TTYH2: variants seen among roughly 807,000 people sequenced by gnomAD.
The protein encoded by TTYH2 is protein tweety homolog 2.
Under a neutral mutation model 68.3 loss-of-function variants are expected in TTYH2, and 49 were observed. The ratio of observed to expected loss-of-function variants is 0.72; its 90% CI spans 0.57 to 0.91. The LOEUF is 0.91. Among genes scored for constraint, TTYH2 ranks in the 40% least tolerant of loss-of-function variants. The pLI is 0.00. For missense variants in TTYH2, 631 were observed against 700.4 expected, an observed-to-expected ratio of 0.90 and a Z score of 1.12; for synonymous variants, 272 against 300.8, an observed-to-expected ratio of 0.90 and a Z score of 0.99.
Position 74,222,696 on chromosome 17 carries a change from C to T in TTYH2, c.302+39C>T. On this transcript the variant is annotated intron_variant, in intron 2 of 13. Coordinates refer to ENST00000269346, the MANE Select transcript of TTYH2 (RefSeq NM_032646.6). The surrounding 1 kb of genome is among the most constrained non-coding windows in gnomAD (Gnocchi z 5.2). The stretch of plus-strand genomic sequence containing the variant: ...GACGCTGGGCTTGGGGTGTGTGACT[C>T]AGTCTGCAAGGGGCCAGGGACTGTT... 1.9e-6 allele frequency: 3 copies of T among 1,576,140 alleles called. No homozygotes were observed. Among genetic ancestry groups the T allele is most frequent in the Non-Finnish European group, 2.6e-6 (3 of 1,162,310 alleles).
rs757090811 is a variant in TTYH2, at chr17:74,222,704, A to C, written c.302+47A>C. The C allele has an allele frequency of 3.2e-6, 5 of 1,565,494 alleles. No individual in the cohort carries two copies. In the Admixed American group the frequency reaches 8.7e-5, roughly 27 times the overall value. On this transcript the variant is annotated intron_variant, in intron 2 of 13. Coordinates refer to ENST00000269346, the MANE Select transcript of TTYH2 (RefSeq NM_032646.6). This position sits in a 1 kb window ranked among gnomAD's most constrained non-coding sequence, Gnocchi z 5.2. ...GCTTGGGGTGTGTGACTCAGTCTGC[A>C]AGGGGCCAGGGACTGTTTGACCATG...
rs573350433 is a variant in TTYH2 at position 74,244,662 on chromosome 17, G to A, written c.804+613G>A. Reference sequence around the variant, plus strand: ...GATCTTTAAAGGACCTAACACTGGCGCTAAGCTGTGTGCATGAGGCTGTTC... The same window carrying A: ...GATCTTTAAAGGACCTAACACTGGCACTAAGCTGTGTGCATGAGGCTGTTC... On this transcript the variant is annotated intron_variant, in intron 6 of 13. Transcript: ENST00000269346. 2.8e-4 allele frequency among the ~76,000 whole-genome samples: 42 copies of A among 152,242 alleles called. No individual in the cohort carries two copies. The South Asian group carries it at 6.8e-3, about 25-fold the overall frequency.
Position 74,260,301 on chromosome 17 carries a change from T to A in TTYH2, c.*92T>A. 1 of 1,374,824 alleles carries A rather than the reference T, an allele frequency of 7.3e-7. No individual in the cohort carries two copies. The highest frequency in any genetic ancestry group is 2.3e-5 in the East Asian group (1 of 43,616). The allele number at this position is 1,374,824 out of a possible 1,614,324, so 85.2% of individuals were successfully genotyped here. A position where few individuals can be genotyped will look rare whatever the true frequency, so the allele number is the denominator to read the frequency against. On this transcript the variant is annotated 3_prime_UTR_variant, in exon 14 of 14. Coordinates refer to ENST00000269346, the MANE Select transcript of TTYH2 (RefSeq NM_032646.6). ...GTTTCTTTAATAGAAACCAAAGGCA[T>A]CTGGAGCCCGAGAGGCCTCCTGCTG... is the stretch of plus-strand genomic sequence containing the variant.
rs1172407852 is a variant in TTYH2, at chr17:74,213,983, G to A, written c.129+267G>A. Among the ~76,000 whole-genome samples, 1 of 151,956 alleles carries A rather than the reference G, an allele frequency of 6.6e-6. No homozygotes were observed. The highest frequency in any genetic ancestry group is 1.5e-5 in the Non-Finnish European group (1 of 67,986). The stretch of plus-strand genomic sequence containing the variant: ...GGAAGGGGAGGAAGGGCGCAAGACC[G>A]CCTGCGGGGTGAGGGGCTGAACGCT... On this transcript the variant is annotated intron_variant, in intron 1 of 13. Coordinates refer to ENST00000269346, the MANE Select transcript of TTYH2 (RefSeq NM_032646.6). The surrounding 1 kb of genome is among the most constrained non-coding windows in gnomAD (Gnocchi z 6.1).
At chr17:74,245,590 C>T (rs1212683706) in intron 6 of TTYH2, among the ~76,000 whole-genome samples, 3 of 152,236 alleles carry the variant, frequency 2.0e-5, no homozygotes, top group Non-Finnish European at 4.4e-5. Flanking sequence ...AATCTCCCAG[C>T]TGGGCGCCCT....
intron 13 of TTYH2, 72 bp downstream of exon 13, chr17:74,253,905 C>A: frequency 6.8e-7 from 1 of 1,473,894 alleles, no homozygotes; most frequent in Non-Finnish European, 9.5e-7. Context: ...CCCAGTGAAT[C>A]CTGTCCACAA....
chr17:74,234,409 G>A (rs903251435), intron 3 of TTYH2, among the ~76,000 whole-genome samples: 3 of 152,204 alleles, frequency 2.0e-5, no homozygotes, highest in Non-Finnish European at 2.9e-5. Flanking sequence ...CCTGCGGGGA[G>A]TATTATGTCC....
rs999732703 is a variant in TTYH2 at position 74,214,421 on chromosome 17, G to C, written c.129+705G>C. Among the ~76,000 whole-genome samples, 1 of 152,114 alleles carries C rather than the reference G, an allele frequency of 6.6e-6. No homozygotes were observed. The highest frequency in any genetic ancestry group is 1.5e-5 in the Non-Finnish European group (1 of 68,014). On this transcript the variant is annotated intron_variant, in intron 1 of 13. Coordinates refer to ENST00000269346, the MANE Select transcript of TTYH2 (RefSeq NM_032646.6). The surrounding 1 kb of genome is among the most constrained non-coding windows in gnomAD (Gnocchi z 4.6). The stretch of plus-strand genomic sequence containing the variant: ...CCTTGCATTGACAGTCAGCTTCTCT[G>C]TGTCCCCTGGTCCTAGACTGGCCCA...
Position 74,215,794 on chromosome 17 carries a change from G to T in TTYH2, c.129+2078G>T. 7.2e-7 allele frequency: 1 copy of T among 1,385,220 alleles called. No individual in the cohort carries two copies. Among genetic ancestry groups the T allele is most frequent in the South Asian group, 1.2e-5 (1 of 80,706 alleles). The allele number at this position is 1,385,220 out of a possible 1,614,324, so 85.8% of individuals were successfully genotyped here. A position where few individuals can be genotyped will look rare whatever the true frequency, so the allele number is the denominator to read the frequency against. ...CACCAGTCACTAACAGAGTCAGGTG[G>T]ACCGTCGGTCATCCCAGTCTTCAGC... On this transcript the variant is annotated intron_variant, in intron 1 of 13. Coordinates refer to ENST00000269346, the MANE Select transcript of TTYH2 (RefSeq NM_032646.6). This position sits in a 1 kb window ranked among gnomAD's most constrained non-coding sequence, Gnocchi z 4.3.
At chr17:74,236,183 A>G (rs1329573445) in intron 3 of TTYH2, among the ~76,000 whole-genome samples, 1 of 152,074 alleles carries the variant, frequency 6.6e-6, no homozygotes, top group African/African-American at 2.4e-5. Flanking sequence ...ATGTGAATAC[A>G]AGGAGAAGGC....
Position 74,254,661 on chromosome 17 carries a change from G to A in TTYH2, c.1524+828G>A, listed in dbSNP as rs148067583. On this transcript the variant is annotated intron_variant, in intron 13 of 13. Coordinates refer to ENST00000269346, the MANE Select transcript of TTYH2 (RefSeq NM_032646.6). ...ATACCTGGATTGTAACACTGGCAAG[G>A]GCCATATTCAGCCTTTAAGAAGGTT... Among the ~76,000 whole-genome samples, 3 of 152,208 alleles carry A rather than the reference G, an allele frequency of 2.0e-5. No homozygotes were observed. The East Asian group carries it at 5.8e-4, about 29-fold the overall frequency.
Position 74,260,596 on chromosome 17 carries a change from T to C in TTYH2, c.*387T>C. 1 of 253,068 alleles carries C rather than the reference T, an allele frequency of 4.0e-6. No homozygotes were observed. The highest frequency in any genetic ancestry group is 8.0e-6 in the Non-Finnish European group (1 of 124,852). 15.7% of individuals were successfully genotyped at this position (253,068 alleles called of 1,614,324 possible). A position where few individuals can be genotyped will look rare whatever the true frequency, so the allele number is the denominator to read the frequency against. On this transcript the variant is annotated 3_prime_UTR_variant, in exon 14 of 14. Coordinates refer to ENST00000269346, the MANE Select transcript of TTYH2 (RefSeq NM_032646.6). ...TGTGTTCTCTCTGGTCCCACAACGA[T>C]GACTCTGCCTCTTGTCAGCCCAGCC...
At chr17:74,248,587 T>G in intron 6 of TTYH2, 1 of 1,035,950 alleles carries the variant, frequency 9.7e-7, no homozygotes, top group Non-Finnish European at 1.2e-6. Flanking sequence ...AGACAAAATG[T>G]AAAACAGCAG....
intron 2 of TTYH2, among the ~76,000 whole-genome samples, chr17:74,227,230 C>T (rs111949650): frequency 0.018 from 2,674 of 152,322 alleles, 54 homozygotes; most frequent in African/African-American, 0.051. Context: ...CTGCCTCAGC[C>T]TCCCAAAGTG....
chr17:74,249,595 A>G (rs1432724459), intron 8 of TTYH2, among the ~76,000 whole-genome samples, 196 bp downstream of exon 8: 3 of 152,168 alleles, frequency 2.0e-5, no homozygotes, highest in Admixed American at 2.0e-4. Flanking sequence ...ATGCAGCTCA[A>G]TGCGGGAGCT....
intron 2 of TTYH2, among the ~76,000 whole-genome samples, chr17:74,230,446 A>G (rs2050376749): frequency 1.3e-5 from 2 of 152,048 alleles, no homozygotes; most frequent in Admixed American, 1.3e-4. Flanking sequence ...CAACGCTGAG[A>G]ATGAACCCTA....
intron 6 of TTYH2, chr17:74,247,925 A>G (rs2050577218): frequency 6.6e-6 from 1 of 152,158 alleles, no homozygotes; most frequent in South Asian, 2.1e-4. Flanking sequence ...GGGGTGTGTT[A>G]TTCCGCACCC....
chr17:74,246,460 A>G (rs963165028), intron 6 of TTYH2, among the ~76,000 whole-genome samples: 1 of 152,000 alleles, frequency 6.6e-6, no homozygotes, highest in Non-Finnish European at 1.5e-5. Flanking sequence ...TGTCCAATAA[A>G]CAGTGGCCAC....
At position 74,237,400 on chromosome 17, in the gene TTYH2, T is replaced by C. The variant is rs772992817; in HGVS notation, c.521T>C (p.Ile174Thr). The change falls in exon 4 of 14, where the codon ATA (isoleucine) becomes ACA (threonine). Residue 174 changes from isoleucine to threonine, a missense_variant. Ile to Thr is a moderately conservative substitution (Grantham distance 89). Coordinates refer to ENST00000269346, the MANE Select transcript of TTYH2 (RefSeq NM_032646.6). ...GATTACCTGCAGACCCTGAAGTTCATACAGCAGATGGCGGGCAGCGTTGTT... is the reference window on the plus strand; with the variant it reads ...GATTACCTGCAGACCCTGAAGTTCACACAGCAGATGGCGGGCAGCGTTGTT... ...RGDYLQTLKFIQQMAGSVVVQ... is the reference protein window; with the variant it reads ...RGDYLQTLKFTQQMAGSVVVQ... 40 of 1,614,004 alleles carry C rather than the reference T, an allele frequency of 2.5e-5. No homozygotes were observed. The South Asian group carries it at 4.4e-4, about 18-fold the overall frequency.
Sources: allele counts gnomAD v4.1 joint callset (sites outside exome capture counted in the v4.1 genomes callset), GRCh38; gene constraint gnomAD v4.1.1; non-coding constraint Gnocchi (gnomAD v3.1); transcripts MANE v1.5; gene names NCBI Gene and HGNC (gene_info 2026-07-23, HGNC 2026-07-21).